GPR83: variants seen among roughly 807,000 people sequenced by gnomAD.
The protein encoded by GPR83 is G-protein coupled receptor 72.
In GPR83, 23 loss-of-function variants were observed where a neutral mutation model predicts 28.0. That is an observed-to-expected ratio of 0.82 (90% CI 0.59 to 1.16). The LOEUF (loss-of-function observed/expected upper bound fraction) is 1.16. Among genes scored for constraint, GPR83 ranks in the 50% most tolerant of loss-of-function variants. The probability of loss-of-function intolerance (pLI) is 0.00; values close to 1 mark genes in which losing one functional copy is unlikely to be tolerated. For synonymous variants in GPR83, 234 were observed against 215.4 expected, an observed-to-expected ratio of 1.09 and a Z score of -0.76; for missense variants, 610 against 536.6, an observed-to-expected ratio of 1.14 and a Z score of -1.35.
intron 3 of GPR83, among the ~76,000 whole-genome samples, chr11:94,387,491 C>T (rs1476058193): frequency 3.3e-5 from 5 of 152,032 alleles, no homozygotes; most frequent in Non-Finnish European, 7.4e-5. Context: ...AATGATAAAG[C>T]AGATATCACC....
intron 3 of GPR83, among the ~76,000 whole-genome samples, chr11:94,382,127 C>T (rs1330365609): frequency 8.6e-5 from 13 of 152,046 alleles, no homozygotes; most frequent in South Asian, 2.1e-4. Flanking sequence ...CCGAGATGGG[C>T]GGATCACCTG....
intron 3 of GPR83, among the ~76,000 whole-genome samples, chr11:94,388,208 C>A (rs983861590): frequency 1.3e-5 from 2 of 152,174 alleles, no homozygotes; most frequent in African/African-American, 4.8e-5. Context: ...AAACCCACAG[C>A]CAATATCATT....
intron 3 of GPR83, among the ~76,000 whole-genome samples, chr11:94,389,035 C>T (rs1370380640): frequency 6.6e-6 from 1 of 152,192 alleles, no homozygotes; most frequent in African/African-American, 2.4e-5. Flanking sequence ...CTACAACTAT[C>T]TGGTCCTTGA....
Position 94,377,450 on chromosome 11 carries a change from G to A in GPR83, c.*2699C>T, listed in dbSNP as rs1449970682. 3.3e-5 allele frequency: 5 copies of A among 152,158 alleles called. No homozygotes were observed. The highest frequency in any genetic ancestry group is 7.2e-5 in the African/African-American group (3 of 41,434). 9.4% of individuals were successfully genotyped at this position (152,158 alleles called of 1,614,324 possible). A position where few individuals can be genotyped will look rare whatever the true frequency, so the allele number is the denominator to read the frequency against. ...CACTTTTTGCTCAAAGTCACACACG[G>A]ACCTCGGGGAAGGGACAGATCTAAT... On this transcript the variant is annotated 3_prime_UTR_variant, in exon 4 of 4. Coordinates refer to ENST00000243673, the MANE Select transcript of GPR83 (RefSeq NM_016540.4).
At chr11:94,384,006 C>T (rs1292648592) in intron 3 of GPR83, among the ~76,000 whole-genome samples, 1 of 152,002 alleles carries the variant, frequency 6.6e-6, no homozygotes, top group Non-Finnish European at 1.5e-5. Context: ...ACGCTGATAC[C>T]AAAACCTGGC....
chr11:94,388,170 T>C (rs893668077), intron 3 of GPR83, among the ~76,000 whole-genome samples: 4 of 152,174 alleles, frequency 2.6e-5, no homozygotes, highest in Non-Finnish European at 4.4e-5. Flanking sequence ...ATGGGACGTA[T>C]CTCAAAATAA....
intron 3 of GPR83, among the ~76,000 whole-genome samples, chr11:94,387,119 C>T (rs12805031): frequency 3.3e-5 from 5 of 152,034 alleles, no homozygotes; most frequent in African/African-American, 1.2e-4. Flanking sequence ...AAGATGTTCT[C>T]TGAAACCAAA....
intron 1 of GPR83, among the ~76,000 whole-genome samples, chr11:94,400,320 AT>A (rs1023300252): frequency 2.6e-5 from 4 of 152,068 alleles, no homozygotes; most frequent in Non-Finnish European, 5.9e-5. Context: ...CACTCAAACC[AT>A]TGACCCAATG....
chr11:94,393,427 G>A, intron 3 of GPR83, 58 bp downstream of exon 3: 1 of 1,556,604 alleles, frequency 6.4e-7, no homozygotes, highest in Non-Finnish European at 8.8e-7. Context: ...TCCCTTGGTG[G>A]AGCCTGACTC....
chr11:94,401,320 C>T lies in GPR83; in HGVS notation c.-73G>A. On this transcript the variant is annotated 5_prime_UTR_variant, in exon 1 of 4. Transcript: ENST00000243673. ...CTCCCGCTGGGATCGGAGCGCGCAG[C>T]CGGGGTGCGGGGCGCACAGCATACA... 1 of 1,438,546 alleles carries T rather than the reference C, an allele frequency of 7.0e-7. No homozygotes were observed. The highest frequency in any genetic ancestry group is 2.5e-5 in the Admixed American group (1 of 40,244). The allele number at this position is 1,438,546 out of a possible 1,614,324, so 89.1% of individuals were successfully genotyped here.
chr11:94,382,343 CAAAAAAA>C (rs57302833), intron 3 of GPR83, among the ~76,000 whole-genome samples: 5 of 67,310 alleles, frequency 7.4e-5, no homozygotes, highest in Admixed American at 3.7e-4. Context: ...AACACCATCT[CAAAAAAA>C]AAAAAAAAAA....
At chr11:94,393,391 T>G in intron 3 of GPR83, 94 bp downstream of exon 3, 1 of 1,151,104 alleles carries the variant, frequency 8.7e-7, no homozygotes, top group Non-Finnish European at 1.3e-6. Flanking sequence ...ACTCAGACAG[T>G]TGTGAGCTCC....
chr11:94,392,202 T>A (rs1294325328), intron 3 of GPR83, among the ~76,000 whole-genome samples: 1 of 152,070 alleles, frequency 6.6e-6, no homozygotes, highest in Non-Finnish European at 1.5e-5. Context: ...AAACCATCAT[T>A]CTCAGCAAAC....
At chr11:94,385,412 G>A (rs189851610) in intron 3 of GPR83, among the ~76,000 whole-genome samples, 1 of 152,270 alleles carries the variant, frequency 6.6e-6, no homozygotes, top group East Asian at 1.9e-4. Flanking sequence ...GCTAAAGGAG[G>A]AAGTTCGAAC....
intron 1 of GPR83, among the ~76,000 whole-genome samples, 184 bp downstream of exon 1, chr11:94,400,677 G>A (rs1944903007): frequency 1.3e-5 from 2 of 151,912 alleles, no homozygotes; most frequent in African/African-American, 4.8e-5. Flanking sequence ...TGACAGAGGA[G>A]GGAGAAAAGA....
intron 3 of GPR83, among the ~76,000 whole-genome samples, chr11:94,387,333 A>T (rs1944769761): frequency 6.6e-6 from 1 of 152,244 alleles, no homozygotes; most frequent in Non-Finnish European, 1.5e-5. Flanking sequence ...ACATCAGAGC[A>T]GAACTGAAGG....
At chr11:94,396,354 A>G (rs748121776) in intron 2 of GPR83, 45 bp downstream of exon 2, 1 of 1,591,868 alleles carries the variant, frequency 6.3e-7, no homozygotes, top group Non-Finnish European at 8.6e-7. Context: ...CAGGAAAGGG[A>G]AGCAAGAGAG....
intron 3 of GPR83, among the ~76,000 whole-genome samples, chr11:94,381,318 T>C (rs1417323281): frequency 6.6e-6 from 1 of 152,182 alleles, no homozygotes; most frequent in Non-Finnish European, 1.5e-5. Context: ...CTTGGTGCTC[T>C]AGTTCTATGT....
intron 3 of GPR83, among the ~76,000 whole-genome samples, chr11:94,383,896 C>T (rs750203592): frequency 1.3e-5 from 2 of 152,126 alleles, no homozygotes; most frequent in African/African-American, 4.8e-5. Context: ...CCAGATTCTA[C>T]CAGAGGTACA....
Sources: allele counts gnomAD v4.1 joint callset (sites outside exome capture counted in the v4.1 genomes callset), GRCh38; gene constraint gnomAD v4.1.1; transcripts MANE v1.5; gene names NCBI Gene and HGNC (gene_info 2026-07-23, HGNC 2026-07-21).